KIRREL3: variants seen among roughly 807,000 people sequenced by gnomAD.
The protein encoded by KIRREL3 is kirre like nephrin family adhesion molecule 3.
In KIRREL3, 36 loss-of-function variants were observed where a neutral mutation model predicts 89.7. The observed-to-expected ratio is 0.40, with a 90% confidence interval of 0.31 to 0.53. The LOEUF is 0.53. Among genes scored for constraint, KIRREL3 ranks in the 20% least tolerant of loss-of-function variants. The pLI is 0.49. For missense variants in KIRREL3, 864 were observed against 1,056.6 expected (o/e 0.82, Z 2.53); for synonymous variants, 445 against 441.4 (o/e 1.01, Z -0.10).
chr11:126,966,954 C>A (rs1253670639), intron 1 of KIRREL3, among the ~76,000 whole-genome samples: 1 of 152,160 alleles, frequency 6.6e-6, no homozygotes, highest in Non-Finnish European at 1.5e-5. Flanking sequence ...TTGCAGAAGA[C>A]CTAGCCCTAA....
At chr11:126,756,537 A>G (rs1483136182) in intron 1 of KIRREL3, among the ~76,000 whole-genome samples, 1 of 152,232 alleles carries the variant, frequency 6.6e-6, no homozygotes, top group African/African-American at 2.4e-5. Context: ...GGACAGATGT[A>G]TTGTTGGTCT....
At position 126,528,151 on chromosome 11, in the gene KIRREL3, ACCTCCTGCTCT is replaced by A. The variant is rs1458722670; in HGVS notation, c.134-1475_134-1465del. 6.6e-6 allele frequency among the ~76,000 whole-genome samples: 1 copy of A among 151,868 alleles called. No individual in the cohort carries two copies. The highest frequency in any genetic ancestry group is 2.4e-5 in the African/African-American group (1 of 41,306). ...GCATTCCAAGCCCTCCCTTTTTCCT[ACCTCCTGCTCT>A]ACAGACCCAGACCTAACCGAGGCAA... On this transcript the variant is annotated intron_variant, in intron 2 of 16. Coordinates refer to ENST00000525144, the MANE Select transcript of KIRREL3 (RefSeq NM_032531.4). The surrounding 1 kb of genome is among the most constrained non-coding windows in gnomAD (Gnocchi z 4.6).
At chr11:126,822,287 T>C (rs1196121210) in intron 1 of KIRREL3, among the ~76,000 whole-genome samples, 2 of 152,236 alleles carry the variant, frequency 1.3e-5, no homozygotes, top group African/African-American at 2.4e-5. Flanking sequence ...ATTACTATTA[T>C]ATAAAGCACA....
intron 1 of KIRREL3, among the ~76,000 whole-genome samples, chr11:126,725,740 C>T (rs114327407): frequency 0.075 from 11,468 of 152,210 alleles, 664 homozygotes; most frequent in African/African-American, 0.16. Context: ...GCTGGTGGAG[C>T]TCTGTGGCCT....
At position 126,969,059 on chromosome 11, in the gene KIRREL3, G is replaced by A. The variant is rs1373731270; in HGVS notation, c.55+31396C>T. On this transcript the variant is annotated intron_variant, in intron 1 of 16. Coordinates refer to ENST00000525144, the MANE Select transcript of KIRREL3 (RefSeq NM_032531.4). This position sits in a 1 kb window ranked among gnomAD's most constrained non-coding sequence, Gnocchi z 4.9. The stretch of plus-strand genomic sequence containing the variant: ...ATAGATGTCAGAAGTAACACTTCAG[G>A]CGGGGGCGTCTGAGGTTCGCGTGTG... Among the ~76,000 whole-genome samples, 1 of 152,144 alleles carries A rather than the reference G, an allele frequency of 6.6e-6. No individual in the cohort carries two copies. The highest frequency in any genetic ancestry group is 1.5e-5 in the Non-Finnish European group (1 of 68,022).
rs944087956 is a variant in KIRREL3 at position 126,697,138 on chromosome 11, G to T, written c.56-134226C>A. Among the ~76,000 whole-genome samples the T allele has an allele frequency of 6.6e-6, 1 of 152,174 alleles. No homozygotes were observed. Among genetic ancestry groups the T allele is most frequent in the Non-Finnish European group, 1.5e-5 (1 of 68,032 alleles). On this transcript the variant is annotated intron_variant, in intron 1 of 16. Transcript: ENST00000525144. The surrounding 1 kb of genome is among the most constrained non-coding windows in gnomAD (Gnocchi z 4.2). The stretch of plus-strand genomic sequence containing the variant: ...CCCCTCAGCCTCCTTGCAAATGAAG[G>T]CTTAGTCACTTCCTCCGCTGGTCCC...
intron 1 of KIRREL3, among the ~76,000 whole-genome samples, chr11:126,801,840 C>T (rs1040343793): frequency 2.0e-5 from 3 of 152,116 alleles, no homozygotes. Flanking sequence ...GAGGATGAGG[C>T]AGGAGGATCG....
rs1444200665 is a variant in KIRREL3 at position 126,653,703 on chromosome 11, C to A, written c.56-90791G>T. 2.0e-5 allele frequency among the ~76,000 whole-genome samples: 3 copies of A among 152,160 alleles called. No homozygotes were observed. Among genetic ancestry groups the A allele is most frequent in the African/African-American group, 7.2e-5 (3 of 41,448 alleles). ...CCAGGGCAATGAGAAACGGGAGGGG[C>A]TGCGTGAGACATGGCAAGGCTGAGG... On this transcript the variant is annotated intron_variant, in intron 1 of 16. Coordinates refer to ENST00000525144, the MANE Select transcript of KIRREL3 (RefSeq NM_032531.4). This position sits in a 1 kb window ranked among gnomAD's most constrained non-coding sequence, Gnocchi z 5.4.
At chr11:126,847,159 G>C (rs1944175331) in intron 1 of KIRREL3, among the ~76,000 whole-genome samples, 1 of 152,046 alleles carries the variant, frequency 6.6e-6, no homozygotes, top group Admixed American at 6.5e-5. Flanking sequence ...TGGCTTTTTT[G>C]GTATAAAAAT....
chr11:126,520,221 A>G lies in KIRREL3; in HGVS notation c.433+1094T>C, dbSNP rs984540438. On this transcript the variant is annotated intron_variant, in intron 4 of 16. Transcript: ENST00000525144. This position sits in a 1 kb window ranked among gnomAD's most constrained non-coding sequence, Gnocchi z 4.9. ...TGCTTTAGCTGCCAGGAGAGGAGGC[A>G]GCACCCCAGCTGCTGACCCTGTTGT... is the stretch of plus-strand genomic sequence containing the variant. 7.9e-5 allele frequency among the ~76,000 whole-genome samples: 12 copies of G among 152,226 alleles called. No homozygotes were observed. The highest frequency in any genetic ancestry group is 2.7e-4 in the African/African-American group (11 of 41,456).
In KIRREL3 at chr11:126,697,508, C is replaced by T. The variant is rs553177732; in HGVS notation, c.56-134596G>A. On this transcript the variant is annotated intron_variant, in intron 1 of 16. Coordinates refer to ENST00000525144, the MANE Select transcript of KIRREL3 (RefSeq NM_032531.4). This position sits in a 1 kb window ranked among gnomAD's most constrained non-coding sequence, Gnocchi z 4.2. ...TCTACCTTTCCAGGGCTAAGTCCTACGACTGTGACACAACTGATGCTCAGT... is the reference window on the plus strand; with the variant it reads ...TCTACCTTTCCAGGGCTAAGTCCTATGACTGTGACACAACTGATGCTCAGT... Among the ~76,000 whole-genome samples, 4 of 152,298 alleles carry T rather than the reference C, an allele frequency of 2.6e-5. No individual in the cohort carries two copies. The highest frequency in any genetic ancestry group is 2.0e-4 in the Admixed American group (3 of 15,296).
intron 1 of KIRREL3, among the ~76,000 whole-genome samples, chr11:126,840,406 T>G (rs983868222): frequency 6.6e-6 from 1 of 152,190 alleles, no homozygotes; most frequent in Non-Finnish European, 1.5e-5. Context: ...TATTTTCCAT[T>G]ACTCATAGGA....
chr11:126,697,535 G>A lies in KIRREL3; in HGVS notation c.56-134623C>T, dbSNP rs2135153150. On this transcript the variant is annotated intron_variant, in intron 1 of 16. Coordinates refer to ENST00000525144, the MANE Select transcript of KIRREL3 (RefSeq NM_032531.4). This position sits in a 1 kb window ranked among gnomAD's most constrained non-coding sequence, Gnocchi z 4.2. Reference sequence around the variant, plus strand: ...ACTGTGACACAACTGATGCTCAGTGGCTCTTTGTTTAATGAATGAATACAT... The same window carrying A: ...ACTGTGACACAACTGATGCTCAGTGACTCTTTGTTTAATGAATGAATACAT... Among the ~76,000 whole-genome samples, 1 of 152,324 alleles carries A rather than the reference G, an allele frequency of 6.6e-6. No homozygotes were observed. Among genetic ancestry groups the A allele is most frequent in the East Asian group, 1.9e-4 (1 of 5,180 alleles).
At chr11:126,678,859 G>A (rs1946323632) in intron 1 of KIRREL3, among the ~76,000 whole-genome samples, 1 of 152,126 alleles carries the variant, frequency 6.6e-6, no homozygotes, top group Non-Finnish European at 1.5e-5. Context: ...AAAGATGGCT[G>A]GACTTTAACT....
intron 1 of KIRREL3, among the ~76,000 whole-genome samples, chr11:126,882,965 T>C (rs985924247): frequency 6.6e-6 from 1 of 152,218 alleles, no homozygotes; most frequent in Non-Finnish European, 1.5e-5. Context: ...AGTGTTTAGA[T>C]AGACCCAGTA....
intron 4 of KIRREL3, among the ~76,000 whole-genome samples, chr11:126,517,984 T>C (rs560966892): frequency 4.6e-5 from 7 of 152,360 alleles, no homozygotes; most frequent in African/African-American, 1.7e-4. Flanking sequence ...GCCATAGTCC[T>C]TGGCAGCTGG....
rs1946796969 is a variant in KIRREL3 at position 126,689,431 on chromosome 11, T to C, written c.56-126519A>G. On this transcript the variant is annotated intron_variant, in intron 1 of 16. Transcript: ENST00000525144. The surrounding 1 kb of genome is among the most constrained non-coding windows in gnomAD (Gnocchi z 5.2). ...ATTTAACAGCCCTGTCCAAAGTGCT[T>C]GCTGGAGATCACAGGGCTAGGCCAC... 1.3e-5 allele frequency among the ~76,000 whole-genome samples: 2 copies of C among 152,198 alleles called. No individual in the cohort carries two copies. Among genetic ancestry groups the C allele is most frequent in the South Asian group, 4.1e-4 (2 of 4,828 alleles).
In KIRREL3 at chr11:126,924,974, GAAAAA is replaced by G. The variant is rs56150011; in HGVS notation, c.55+75476_55+75480del. On this transcript the variant is annotated intron_variant, in intron 1 of 16. Transcript: ENST00000525144. The surrounding 1 kb of genome is among the most constrained non-coding windows in gnomAD (Gnocchi z 4.7). ...CAGTGGAGGAGGTTGGGATAAAATTGAAAAAAAAAAAAAACAGTCCTAGGAGTTAT... is the reference window on the plus strand; with the variant it reads ...CAGTGGAGGAGGTTGGGATAAAATTGAAAAAAAAACAGTCCTAGGAGTTAT... Among the ~76,000 whole-genome samples the G allele has an allele frequency of 1.4e-5, 2 of 143,102 alleles. No homozygotes were observed. The allele number at this position is 143,102 out of a possible 152,430, so 93.9% of individuals were successfully genotyped here. A position where few individuals can be genotyped will look rare whatever the true frequency, so the allele number is the denominator to read the frequency against.
At chr11:126,543,434 G>A (rs1164076110) in intron 2 of KIRREL3, among the ~76,000 whole-genome samples, 4 of 152,138 alleles carry the variant, frequency 2.6e-5, no homozygotes, top group Admixed American at 6.6e-5. Flanking sequence ...TTACGGACAA[G>A]GAAACTCAGA....
Sources: gnomAD v4.1 joint callset for allele counts (sites outside exome capture counted in the v4.1 genomes callset) on GRCh38, gnomAD v4.1.1 for gene constraint, Gnocchi (gnomAD v3.1) non-coding constraint, MANE v1.5 for transcripts, NCBI Gene and HGNC (gene_info 2026-07-23, HGNC 2026-07-21) for gene names.